The following ANK2 variants were observed in gnomAD, a reference collection of about 807,000 sequenced individuals.
ANK2 encodes the protein ankyrin 2, also known as ankyrin-2.
A neutral mutation model predicts 360.5 loss-of-function variants in ANK2; 83 were observed. That is an observed-to-expected ratio of 0.23 (90% CI 0.19 to 0.28). The LOEUF is 0.28. ANK2 is among the 10% of genes least tolerant of loss of function. The pLI, the probability that ANK2 is intolerant of heterozygous loss-of-function variation, is 1.00. For missense variants in ANK2, 4,201 were observed against 4,795.7 expected, an observed-to-expected ratio of 0.88 and a Z score of 3.66; for synonymous variants, 1,740 against 1,759.5, an observed-to-expected ratio of 0.99 and a Z score of 0.28.
chr4:113,016,576 G>A (rs189164589), intron 2 of ANK2, among the ~76,000 whole-genome samples: 3 of 152,216 alleles, frequency 2.0e-5, no homozygotes, highest in African/African-American at 7.2e-5. Context: ...AAAAGCTGAT[G>A]AAGGCATTAG....
chr4:113,083,088 T>TTTA (rs1417483832), intron 1 of ANK2, among the ~76,000 whole-genome samples: 3 of 152,052 alleles, frequency 2.0e-5, no homozygotes, highest in South Asian at 4.1e-4. Context: ...TAAATTTTAT[T>TTTA]TTATTATTAT....
At chr4:112,903,528 T>C (rs2084160444) in intron 1 of ANK2, among the ~76,000 whole-genome samples, 1 of 152,228 alleles carries the variant, frequency 6.6e-6, no homozygotes, top group Non-Finnish European at 1.5e-5. Context: ...AGTTCCAATA[T>C]GCTTTGAAAA....
intron 24 of ANK2, among the ~76,000 whole-genome samples, chr4:113,315,239 G>A (rs1006095422): frequency 5.3e-5 from 8 of 152,160 alleles, no homozygotes; most frequent in Admixed American, 3.9e-4. Flanking sequence ...TGCAAAGTGC[G>A]ACTTTACTTT....
At chr4:112,862,208 A>G (rs1238047680) in intron 1 of ANK2, among the ~76,000 whole-genome samples, 1 of 152,252 alleles carries the variant, frequency 6.6e-6, no homozygotes, top group Non-Finnish European at 1.5e-5. Context: ...TAAATTGCTG[A>G]GCATTCAATT....
chr4:112,948,546 T>G (rs1381006952), intron 2 of ANK2, among the ~76,000 whole-genome samples: 1 of 152,158 alleles, frequency 6.6e-6, no homozygotes, highest in Non-Finnish European at 1.5e-5. Context: ...CTGCCCTGAT[T>G]CAATGAAGGG....
At chr4:112,810,163 T>A in the ANK2 span, among the ~76,000 whole-genome samples, 1,416 of 21,404 alleles carry the variant, frequency 0.066, 2 homozygotes, top group South Asian at 0.11. Context: ...ATATATATTT[T>A]TTTTTTTTTT....
At chr4:113,087,189 TA>T (rs2085286443) in intron 1 of ANK2, among the ~76,000 whole-genome samples, 3 of 152,104 alleles carry the variant, frequency 2.0e-5, no homozygotes, top group African/African-American at 7.2e-5. Context: ...GAAGGATGAG[TA>T]CAAGGTTTCC....
At chr4:113,131,896 A>G (rs1229379444) in intron 1 of ANK2, among the ~76,000 whole-genome samples, 2 of 152,236 alleles carry the variant, frequency 1.3e-5, no homozygotes, top group African/African-American at 2.4e-5. Flanking sequence ...CGGGCAAGAT[A>G]TAAGAGTGAA....
At chr4:113,107,882 A>G (rs2093826223) in intron 1 of ANK2, among the ~76,000 whole-genome samples, 1 of 152,220 alleles carries the variant, frequency 6.6e-6, no homozygotes, top group Admixed American at 6.5e-5. Context: ...TTAGGATTCA[A>G]AAACCCAAAT....
intron 2 of ANK2, among the ~76,000 whole-genome samples, chr4:113,003,380 C>CT (rs972546472): frequency 1.1e-4 from 16 of 151,466 alleles, no homozygotes; most frequent in African/African-American, 3.9e-4. Flanking sequence ...TTATAGATTT[C>CT]TTTTTTTTGA....
chr4:112,805,649 T>C, the ANK2 span, among the ~76,000 whole-genome samples: 1 of 151,468 alleles, frequency 6.6e-6, no homozygotes. Flanking sequence ...TGGGGTGATC[T>C]TGGCTCACTG....
the ANK2 span, among the ~76,000 whole-genome samples, chr4:112,750,345 AG>A: frequency 0.011 from 1,610 of 152,242 alleles, 15 homozygotes; most frequent in Middle Eastern, 0.034. Context: ...TGGGCGACAG[AG>A]TGAGAGCCTG....
chr4:113,021,931 C>A (rs1290242275), intron 2 of ANK2, among the ~76,000 whole-genome samples: 3 of 152,126 alleles, frequency 2.0e-5, no homozygotes, highest in Admixed American at 6.5e-5. Flanking sequence ...TTGAAGCTGG[C>A]AGTCCTAGCA....
chr4:113,265,864 A>G (rs1343584716), intron 14 of ANK2, among the ~76,000 whole-genome samples: 2 of 152,200 alleles, frequency 1.3e-5, no homozygotes, highest in South Asian at 4.1e-4. Context: ...GAGTTGTACC[A>G]TTATAATACA....
rs541409483 is a variant in ANK2 at position 113,186,480 on chromosome 4, A to C, written c.187-9888A>C. Among the ~76,000 whole-genome samples, 5 of 151,132 alleles carry C rather than the reference A, an allele frequency of 3.3e-5. No individual in the cohort carries two copies. The East Asian group carries it at 9.8e-4, about 30-fold the overall frequency. The stretch of plus-strand genomic sequence containing the variant: ...CAAAAAGGCTGAAAAAAAGATTCTA[A>C]ACAGTTTTTTCTTCCCTCTGTAGAA... On this transcript the variant is annotated intron_variant, in intron 2 of 45. Coordinates refer to ENST00000357077, the MANE Select transcript of ANK2 (RefSeq NM_001148.6).
chr4:112,796,127 A>T, the ANK2 span, among the ~76,000 whole-genome samples: 1 of 152,130 alleles, frequency 6.6e-6, no homozygotes, highest in Non-Finnish European at 1.5e-5. Context: ...AAATTGTGAT[A>T]AAATATACAT....
the ANK2 span, among the ~76,000 whole-genome samples, chr4:112,743,824 C>T: frequency 5.9e-5 from 9 of 151,850 alleles, no homozygotes; most frequent in Non-Finnish European, 1.2e-4. Flanking sequence ...GGATTACAGG[C>T]GTGAGCCACC....
intron 1 of ANK2, among the ~76,000 whole-genome samples, chr4:113,110,872 C>T (rs1018203447): frequency 1.3e-5 from 2 of 152,176 alleles, no homozygotes; most frequent in Non-Finnish European, 2.9e-5. Context: ...GGAGACCTGA[C>T]ACTTTATCAG....
chr4:112,763,771 C>T, the ANK2 span, among the ~76,000 whole-genome samples: 1 of 151,996 alleles, frequency 6.6e-6, no homozygotes, highest in Admixed American at 6.6e-5. Context: ...CCGCCCGCCT[C>T]GGCCTCCCAA....
Sources: allele counts gnomAD v4.1 joint callset (sites outside exome capture counted in the v4.1 genomes callset), GRCh38; gene constraint gnomAD v4.1.1; transcripts MANE v1.5; gene names NCBI Gene and HGNC (gene_info 2026-07-23, HGNC 2026-07-21).